The following LCA5 variants were observed in gnomAD, a reference collection of about 807,000 sequenced individuals.
LCA5 encodes the protein lebercilin.
LCA5 carries 37 observed loss-of-function variants against 53.0 expected under a neutral mutation model. The ratio of observed to expected loss-of-function variants is 0.70; its 90% confidence interval spans 0.54 to 0.92. The LOEUF is 0.92. Ranked by LOEUF, LCA5 falls within the 40% of genes least tolerant of loss-of-function variation. The pLI is 0.00. For missense variants in LCA5, 806 were observed against 790.5 expected (o/e 1.02, Z -0.23); for synonymous variants, 303 against 282.9 (o/e 1.07, Z -0.71).
In LCA5 at chr6:79,513,587, C is replaced by T. The variant is rs1766320160; in HGVS notation, c.345G>A (p.Leu115=). Residue 115 remains leucine, a synonymous_variant, in exon 3 of 8, where the codon TTG becomes TTA. Coordinates refer to ENST00000369846, the MANE Select transcript of LCA5 (RefSeq NM_001122769.3). ...LSARLLKINE[L]QNEVSELQVK... The stretch of plus-strand genomic sequence containing the variant: ...CCTGGAGTTCAGATACTTCATTCTG[C>T]AACTCATTGATTTTTAGCAGTCTTG... 6.2e-7 allele frequency: 1 copy of T among 1,613,800 alleles called. No homozygotes were observed. The highest frequency in any genetic ancestry group is 8.5e-7 in the Non-Finnish European group (1 of 1,179,878).
intron 5 of LCA5, among the ~76,000 whole-genome samples, chr6:79,492,130 G>T (rs1286024723): frequency 6.6e-6 from 1 of 151,900 alleles, no homozygotes; most frequent in East Asian, 1.9e-4. Context: ...ATTTATAGGT[G>T]AAATCAACTG....
intron 1 of LCA5, among the ~76,000 whole-genome samples, chr6:79,529,437 C>T (rs764515514): frequency 2.0e-5 from 3 of 151,938 alleles, no homozygotes; most frequent in Admixed American, 6.6e-5. Context: ...TCACAATAAG[C>T]GAACAGAATG....
At chr6:79,498,882 CTA>C (rs1285389567) in intron 3 of LCA5, among the ~76,000 whole-genome samples, 25 of 151,920 alleles carry the variant, frequency 1.6e-4, no homozygotes, top group Admixed American at 1.2e-3. Flanking sequence ...AGGAAAAACT[CTA>C]TGTCATTTTT....
At chr6:79,537,620 C>G (rs1027900054), upstream of LCA5, among the ~76,000 whole-genome samples, 16 of 152,314 alleles carry the variant, frequency 1.1e-4, no homozygotes, top group Middle Eastern at 0.01. Flanking sequence ...TGGGGCAAAA[C>G]GCGGAGCGCT....
At chr6:79,519,986 A>C (rs895046112) in intron 1 of LCA5, among the ~76,000 whole-genome samples, 7 of 152,068 alleles carry the variant, frequency 4.6e-5, no homozygotes, top group Non-Finnish European at 1.5e-5. Context: ...AATAACACTC[A>C]ATGCTGTCAG....
chr6:79,489,226 G>A lies in LCA5; in HGVS notation c.1099-10C>T, dbSNP rs377268308. ...TTTGAGATTGCAAGTCCTATTATAC[G>A]TTAAAAAAAATGCAAGTTCACAAAT... On this transcript the variant is annotated splice_polypyrimidine_tract_variant and intron_variant, in intron 6 of 7. Coordinates refer to ENST00000369846, the MANE Select transcript of LCA5 (RefSeq NM_001122769.3). 159 of 1,608,902 alleles carry A rather than the reference G, an allele frequency of 9.9e-5. No homozygotes were observed. In the African/African-American group the frequency reaches 1.0e-3, roughly 10 times the overall value.
In LCA5 at chr6:79,489,236, A is replaced by T; in HGVS notation, c.1099-20T>A. The T allele has an allele frequency of 6.2e-7, 1 of 1,608,260 alleles. No homozygotes were observed. Among genetic ancestry groups the T allele is most frequent in the Non-Finnish European group, 8.5e-7 (1 of 1,178,796 alleles). On this transcript the variant is annotated intron_variant, in intron 6 of 7. Transcript: ENST00000369846. ...CAAGTCCTATTATACGTTAAAAAAA[A>T]TGCAAGTTCACAAATTATAGAAAAG...
rs530142770 is a variant in LCA5, at chr6:79,486,844, G to A, written c.*160C>T. 16 of 610,568 alleles carry A rather than the reference G, an allele frequency of 2.6e-5. No homozygotes were observed. The highest frequency in any genetic ancestry group is 3.6e-5 in the Non-Finnish European group (13 of 360,866). The allele number at this position is 610,568 out of a possible 1,614,324, so 37.8% of individuals were successfully genotyped here. A position where few individuals can be genotyped will look rare whatever the true frequency, so the allele number is the denominator to read the frequency against. On this transcript the variant is annotated 3_prime_UTR_variant, in exon 8 of 8. Coordinates refer to ENST00000369846, the MANE Select transcript of LCA5 (RefSeq NM_001122769.3). ...ATTCTTGGCAAACTATCTATGTGGT[G>A]TATGTATGATCTACTTCTTTTTAAC...
chr6:79,533,727 GTA>G (rs899405719), intron 1 of LCA5, among the ~76,000 whole-genome samples: 4 of 151,044 alleles, frequency 2.6e-5, no homozygotes, highest in African/African-American at 9.7e-5. Context: ...AATCTAAGCT[GTA>G]GAGTCCATTG....
At position 79,487,491 on chromosome 6, in the gene LCA5, CCTT is replaced by C. The variant is rs1489029522; in HGVS notation, c.1604_1606del (p.Glu535del). On this transcript the variant is annotated inframe_deletion, in exon 8 of 8. Transcript: ENST00000369846. Reference sequence around the variant, plus strand: ...ACTTCTAACATTTCCTGAATTCTGACCTTCTCCTTTTGGAGTTGAGAAACTGAT... The same window carrying C: ...ACTTCTAACATTTCCTGAATTCTGACCTCCTTTTGGAGTTGAGAAACTGAT... 2 of 1,613,910 alleles carry C rather than the reference CCTT, an allele frequency of 1.2e-6. No homozygotes were observed. Among genetic ancestry groups the C allele is most frequent in the East Asian group, 2.2e-5 (1 of 44,878 alleles).
intron 1 of LCA5, among the ~76,000 whole-genome samples, chr6:79,529,550 T>C (rs1299712292): frequency 2.6e-5 from 4 of 152,050 alleles, no homozygotes; most frequent in African/African-American, 9.7e-5. Context: ...TTATAAGGTA[T>C]CCTTATAAGG....
intron 6 of LCA5, 55 bp from the exon 7 acceptor site, chr6:79,489,271 T>C: frequency 1.3e-6 from 2 of 1,550,604 alleles, no homozygotes; most frequent in Non-Finnish European, 1.8e-6. Context: ...GGGGGGGAAC[T>C]AAGCAACACA....
At chr6:79,533,753 T>C (rs1582659895) in intron 1 of LCA5, among the ~76,000 whole-genome samples, 1 of 151,742 alleles carries the variant, frequency 6.6e-6, no homozygotes. Flanking sequence ...ATAAATATCA[T>C]AATGATATCT....
chr6:79,526,848 C>G (rs558793887), intron 1 of LCA5, among the ~76,000 whole-genome samples: 5 of 152,246 alleles, frequency 3.3e-5, no homozygotes, highest in Admixed American at 6.5e-5. Flanking sequence ...TTGGGATTGT[C>G]CCCCTACAAG....
chr6:79,487,900 G>GT (rs1769718808), intron 7 of LCA5, 34 bp from the exon 8 acceptor site: 1 of 1,506,056 alleles, frequency 6.6e-7, no homozygotes, highest in Non-Finnish European at 9.1e-7. Flanking sequence ...ATGGGATTTT[G>GT]TAACAGTCAA....
chr6:79,536,795 T>G (rs1252098904), intron 1 of LCA5, among the ~76,000 whole-genome samples: 1 of 152,150 alleles, frequency 6.6e-6, no homozygotes, highest in Non-Finnish European at 1.5e-5. Context: ...GGGGTTTTTG[T>G]TTTGTTTGTT....
chr6:79,522,929 A>G (rs1355052196), intron 1 of LCA5, among the ~76,000 whole-genome samples: 1 of 150,590 alleles, frequency 6.6e-6, no homozygotes, highest in Non-Finnish European at 1.5e-5. Flanking sequence ...AAGAATCTTT[A>G]TCTTTTAGAG....
At chr6:79,492,709 C>T in intron 4 of LCA5, 62 bp from the exon 5 acceptor site, 1 of 840,676 alleles carries the variant, frequency 1.2e-6, no homozygotes. Flanking sequence ...AACAAAACCC[C>T]TCACTTTGTC....
Position 79,487,377 on chromosome 6 carries a change from C to CT in LCA5, c.1720dup (p.Ser574LysfsTer2). ...GTTTCTTTGGAAATCCAAAAAACTACTTTTTTGACTAAATGGATTTGACCT... is the reference window on the plus strand; with the variant it reads ...GTTTCTTTGGAAATCCAAAAAACTACTTTTTTTGACTAAATGGATTTGACCT... On this transcript the variant is annotated frameshift_variant, in exon 8 of 8. Coordinates refer to ENST00000369846, the MANE Select transcript of LCA5 (RefSeq NM_001122769.3). LOFTEE classifies it low-confidence loss of function (END_TRUNC). 1 of 1,612,754 alleles carries CT rather than the reference C, an allele frequency of 6.2e-7. No individual in the cohort carries two copies. The highest frequency in any genetic ancestry group is 1.3e-5 in the African/African-American group (1 of 74,822).
Sources: allele counts gnomAD v4.1 joint callset (sites outside exome capture counted in the v4.1 genomes callset), GRCh38; gene constraint gnomAD v4.1.1; transcripts MANE v1.5; gene names NCBI Gene and HGNC (gene_info 2026-07-23, HGNC 2026-07-21).